INO80C: variants seen among roughly 807,000 people sequenced by gnomAD.
INO80C encodes IES6 homolog.
Under a neutral mutation model 17.7 loss-of-function variants are expected in INO80C, and 17 were observed. The ratio of observed to expected loss-of-function variants is 0.96; its 90% CI spans 0.66 to 1.44. The LOEUF (loss-of-function observed/expected upper bound fraction) is 1.44, where lower values mean the gene tolerates loss of function less well. Among genes scored for constraint, INO80C ranks in the 40% most tolerant of loss-of-function variants. The pLI is 0.00. For missense variants in INO80C, 244 were observed against 245.0 expected (o/e 1.00, Z 0.03); for synonymous variants, 96 against 95.8 (o/e 1.00, Z -0.01).
At position 35,468,519 on chromosome 18, in the gene INO80C, G is replaced by C. The variant is rs895923683; in HGVS notation, c.*92C>G. On this transcript the variant is annotated 3_prime_UTR_variant, in exon 5 of 5. Coordinates refer to ENST00000334598, the MANE Select transcript of INO80C (RefSeq NM_194281.4). ...GGCACAGCACTGGCATTTTCAGATTGACAGCAGAACGAGTTTGTTTCCGTG... is the reference window on the plus strand; with the variant it reads ...GGCACAGCACTGGCATTTTCAGATTCACAGCAGAACGAGTTTGTTTCCGTG... 1.1e-5 allele frequency: 18 copies of C among 1,579,054 alleles called. No individual in the cohort carries two copies. In the Admixed American group the frequency reaches 1.6e-4, roughly 14 times the overall value.
At chr18:35,495,408 T>C (rs2045971247) in intron 1 of INO80C, among the ~76,000 whole-genome samples, 2 of 152,188 alleles carry the variant, frequency 1.3e-5, no homozygotes, top group African/African-American at 4.8e-5. Context: ...AAGAAGACCC[T>C]GTCTTCTTTA....
At chr18:35,485,307 T>C (rs138995416) in intron 1 of INO80C, among the ~76,000 whole-genome samples, 49 of 152,310 alleles carry the variant, frequency 3.2e-4, no homozygotes, top group African/African-American at 9.6e-4. Context: ...TTTCAAAAAC[T>C]TAAGCAACAA....
chr18:35,478,194 G>T, intron 4 of INO80C, 88 bp downstream of exon 4: 1 of 1,017,432 alleles, frequency 9.8e-7, no homozygotes, highest in Non-Finnish European at 1.5e-6. Flanking sequence ...GGCAGGACCA[G>T]CCATGATCAA....
chr18:35,480,704 CCCTA>C (rs2045796660), intron 1 of INO80C, 141 bp from the exon 2 acceptor site: 4 of 667,494 alleles, frequency 6.0e-6, no homozygotes. Flanking sequence ...AGGCAGCCTG[CCCTA>C]GGGGAGGGCA....
intron 1 of INO80C, among the ~76,000 whole-genome samples, chr18:35,485,705 A>G (rs2045866022): frequency 6.6e-6 from 1 of 152,270 alleles, no homozygotes; most frequent in Non-Finnish European, 1.5e-5. Flanking sequence ...ACTTCTAGGT[A>G]TACACTCAAA....
At chr18:35,469,580 C>G (rs2045645020) in intron 4 of INO80C, among the ~76,000 whole-genome samples, 1 of 152,184 alleles carries the variant, frequency 6.6e-6, no homozygotes, top group Non-Finnish European at 1.5e-5. Context: ...GACTCGGCCC[C>G]AAAGCTACAC....
intron 1 of INO80C, among the ~76,000 whole-genome samples, chr18:35,492,972 T>C (rs903759554): frequency 6.6e-6 from 1 of 152,208 alleles, no homozygotes; most frequent in Non-Finnish European, 1.5e-5. Context: ...GAGATCTAAT[T>C]AATAATCTTC....
At chr18:35,492,309 C>A (rs1471789410) in intron 1 of INO80C, among the ~76,000 whole-genome samples, 1 of 152,118 alleles carries the variant, frequency 6.6e-6, no homozygotes, top group Non-Finnish European at 1.5e-5. Flanking sequence ...GTAGTTAATT[C>A]CTTGGAATAT....
chr18:35,483,042 G>A (rs1325493100), intron 1 of INO80C, among the ~76,000 whole-genome samples: 1 of 152,110 alleles, frequency 6.6e-6, no homozygotes, highest in African/African-American at 2.4e-5. Context: ...CTTTTCTGGT[G>A]CGATATCCAT....
chr18:35,473,576 C>T (rs1047506311), intron 4 of INO80C, among the ~76,000 whole-genome samples: 1 of 152,134 alleles, frequency 6.6e-6, no homozygotes, highest in Admixed American at 6.5e-5. Context: ...CAAGGCAAGA[C>T]TATATACGTC....
At chr18:35,477,977 G>A (rs371836584) in intron 4 of INO80C, among the ~76,000 whole-genome samples, 6 of 152,184 alleles carry the variant, frequency 3.9e-5, no homozygotes, top group Admixed American at 2.6e-4. Flanking sequence ...TAAAATGCAG[G>A]TTTTTAAAAC....
At chr18:35,480,696 G>T in intron 1 of INO80C, 133 bp from the exon 2 acceptor site, 1 of 694,084 alleles carries the variant, frequency 1.4e-6, no homozygotes, top group Non-Finnish European at 2.5e-6. Flanking sequence ...GCTCCAGCAG[G>T]CAGCCTGCCC....
At chr18:35,487,160 T>C (rs2045885035) in intron 1 of INO80C, among the ~76,000 whole-genome samples, 1 of 152,206 alleles carries the variant, frequency 6.6e-6, no homozygotes, top group Non-Finnish European at 1.5e-5. Context: ...CACAACAGGA[T>C]GCACTGAGAA....
rs768225824 is a variant in INO80C, at chr18:35,497,862, T to A, written c.13A>T (p.Ile5Phe). The A allele has an allele frequency of 1.3e-5, 21 of 1,572,138 alleles. No individual in the cohort carries two copies. The highest frequency in any genetic ancestry group is 1.8e-5 in the Non-Finnish European group (21 of 1,156,642). ...GTGGAAGTGGTGGCCACAATTGGAA[T>A]TTGCGCCGCCATCGCACTCCGAGTC... MAAQ[I>F]PIVATTSTPG... The change falls in exon 1 of 5, where the codon ATT becomes TTT. Residue 5 changes from isoleucine to phenylalanine, a missense_variant. Coordinates refer to ENST00000334598, the MANE Select transcript of INO80C (RefSeq NM_194281.4).
rs2046001064 is a variant in INO80C, at chr18:35,497,792, G to A, written c.83C>T (p.Ser28Phe). The change falls in exon 1 of 5, where the codon TCC becomes TTC. Residue 28 changes from serine to phenylalanine, a missense_variant. By Grantham distance (155) the Ser-to-Phe change is radical (BLOSUM62 -2). Transcript: ENST00000334598. ...RNSKKRPASP[S>F]HNGSSGGGYG... ...GCCCCCGCCGCTGCTGCCATTGTGGGAAGGGCTGGCCGGCCTCTTCTTGCT... is the reference window on the plus strand; with the variant it reads ...GCCCCCGCCGCTGCTGCCATTGTGGAAAGGGCTGGCCGGCCTCTTCTTGCT... The A allele has an allele frequency of 6.2e-7, 1 of 1,613,222 alleles. No individual in the cohort carries two copies.
intron 2 of INO80C, among the ~76,000 whole-genome samples, chr18:35,479,626 G>A (rs1201602782): frequency 6.6e-6 from 1 of 151,814 alleles, no homozygotes; most frequent in Non-Finnish European, 1.5e-5. Context: ...AAACCCTTGA[G>A]TTAGTTTGTG....
intron 1 of INO80C, among the ~76,000 whole-genome samples, chr18:35,489,567 C>T (rs1256288438): frequency 3.3e-5 from 5 of 152,008 alleles, no homozygotes. Context: ...ATGGGAGCTA[C>T]AATTCAAGAT....
chr18:35,486,613 C>T (rs911831490), intron 1 of INO80C, among the ~76,000 whole-genome samples: 1 of 150,998 alleles, frequency 6.6e-6, no homozygotes, highest in Admixed American at 6.6e-5. Context: ...AATAAAAATC[C>T]ATGACATAAA....
At chr18:35,481,393 G>C (rs1488517043) in intron 1 of INO80C, among the ~76,000 whole-genome samples, 3 of 152,216 alleles carry the variant, frequency 2.0e-5, no homozygotes, top group Non-Finnish European at 2.9e-5. Context: ...GAAATACACA[G>C]ATCTTAAATG....
Sources: gnomAD v4.1 joint callset for allele counts (sites outside exome capture counted in the v4.1 genomes callset) on GRCh38, gnomAD v4.1.1 for gene constraint, MANE v1.5 for transcripts, NCBI Gene and HGNC (gene_info 2026-07-23, HGNC 2026-07-21) for gene names.